The following TVP23C variants were observed in gnomAD, a reference collection of about 807,000 sequenced individuals.
TVP23C encodes the protein trans-golgi network vesicle protein 23 homolog C.
A neutral mutation model predicts 28.7 loss-of-function variants in TVP23C; 19 were observed. That is an observed-to-expected ratio of 0.66 (90% CI 0.46 to 0.97). TVP23C has a LOEUF of 0.97. Among genes scored for constraint, TVP23C ranks in the 50% least tolerant of loss-of-function variants. The pLI is 0.00. For missense variants in TVP23C, 186 were observed against 241.3 expected, an observed-to-expected ratio of 0.77 and a Z score of 1.52; for synonymous variants, 68 against 81.7, an observed-to-expected ratio of 0.83 and a Z score of 0.90.
At chr17:15,527,124 C>T (rs150111928) in intron 5 of TVP23C, among the ~76,000 whole-genome samples, 3,199 of 152,182 alleles carry the variant, frequency 0.021, 117 homozygotes, top group African/African-American at 0.071. Flanking sequence ...CCAGTTTTAG[C>T]CTGCCTGATA....
At chr17:15,505,739 G>A (rs567515145) in intron 5 of TVP23C, among the ~76,000 whole-genome samples, 1 of 152,332 alleles carries the variant, frequency 6.6e-6, no homozygotes, top group East Asian at 1.9e-4. Flanking sequence ...GGGCGCTTGC[G>A]GGCCAGCTGG....
At chr17:15,549,293 T>G (rs1983784580) in intron 3 of TVP23C, among the ~76,000 whole-genome samples, 1 of 152,084 alleles carries the variant, frequency 6.6e-6, no homozygotes, top group African/African-American at 2.4e-5. Flanking sequence ...TAATTGGATA[T>G]GGAGTAGGAA....
rs1984488130 is a variant in TVP23C, at chr17:15,563,316, G to A, written c.12+121C>T. 4 of 1,496,962 alleles carry A rather than the reference G, an allele frequency of 2.7e-6. No homozygotes were observed. The South Asian group carries it at 5.1e-5, about 19-fold the overall frequency. 92.7% of individuals were successfully genotyped at this position (1,496,962 alleles called of 1,614,324 possible). On this transcript the variant is annotated intron_variant, in intron 1 of 5. Coordinates refer to ENST00000518321, the MANE Select transcript of TVP23C (RefSeq NM_001135036.2). ...AACTACCCACAGCCCTCCACTCCCG[G>A]CCGCCCCGCTCCTCCTCGAGTTCGA...
At chr17:15,513,381 A>G (rs910273672) in intron 5 of TVP23C, among the ~76,000 whole-genome samples, 1 of 152,222 alleles carries the variant, frequency 6.6e-6, no homozygotes, top group African/African-American at 2.4e-5. Flanking sequence ...TGTGAAAACA[A>G]TTGAGTATTT....
intron 3 of TVP23C, among the ~76,000 whole-genome samples, 163 bp downstream of exon 3, chr17:15,553,522 G>GAA (rs565524290): frequency 3.4e-5 from 4 of 118,994 alleles, no homozygotes; most frequent in Non-Finnish European, 3.4e-5. Flanking sequence ...GGGAAAAAAT[G>GAA]AAAAAAAAAA....
At position 15,563,370 on chromosome 17, in the gene TVP23C, G is replaced by C. The variant is rs1284983864; in HGVS notation, c.12+67C>G. On this transcript the variant is annotated intron_variant, in intron 1 of 5. Coordinates refer to ENST00000518321, the MANE Select transcript of TVP23C (RefSeq NM_001135036.2). ...GCGGGCGCGGGGGACGCGGGCTCCA[G>C]TCCCACGGAACCTGCAGAGCCAGTC... 8 of 1,548,678 alleles carry C rather than the reference G, an allele frequency of 5.2e-6. No individual in the cohort carries two copies. In the East Asian group the frequency reaches 1.9e-4, roughly 37 times the overall value.
chr17:15,554,209 C>G (rs1453820681), intron 2 of TVP23C, among the ~76,000 whole-genome samples: 1 of 150,398 alleles, frequency 6.6e-6, no homozygotes, highest in Non-Finnish European at 1.5e-5. Flanking sequence ...GACATTAAGA[C>G]AAAGTTATCA....
chr17:15,502,805 CT>C, exon 6 of TVP23C: 1 of 1,455,820 alleles, frequency 6.9e-7, no homozygotes, highest in South Asian at 1.4e-5. Flanking sequence ...TCTCTCCTCT[CT>C]CTCCTCTCTC....
rs7216353 is a variant in TVP23C at position 15,551,642 on chromosome 17, C to T, written c.240+2043G>A. 5.5e-3 allele frequency among the ~76,000 whole-genome samples: 829 copies of T among 150,348 alleles called. 11 individuals are homozygous for T. Among genetic ancestry groups the T allele is most frequent in the African/African-American group, 0.018 (715 of 40,520 alleles). On this transcript the variant is annotated intron_variant, in intron 3 of 5. Transcript: ENST00000518321. ...CTTTGAATGCGGCCCAAGAGAAATT[C>T]GTAAACTTTCTTAAAACATTATGAG...
chr17:15,539,141 A>C lies in TVP23C; in HGVS notation c.*1271T>G, dbSNP rs1249655373. On this transcript the variant is annotated 3_prime_UTR_variant, in exon 6 of 6. Coordinates refer to ENST00000518321, the MANE Select transcript of TVP23C (RefSeq NM_001135036.2). Reference sequence around the variant, plus strand: ...ACCCAGAAACTTGGGAGAAATGCAAATTATGAGACTCCACCCCCAGATCTA... The same window carrying C: ...ACCCAGAAACTTGGGAGAAATGCAACTTATGAGACTCCACCCCCAGATCTA... The C allele has an allele frequency of 1.8e-5, 17 of 953,452 alleles. No individual in the cohort carries two copies. Among genetic ancestry groups the C allele is most frequent in the Non-Finnish European group, 2.1e-5 (17 of 801,032 alleles). 59.1% of individuals were successfully genotyped at this position (953,452 alleles called of 1,614,324 possible). A position where few individuals can be genotyped will look rare whatever the true frequency, so the allele number is the denominator to read the frequency against.
chr17:15,519,481 TACACACAC>T (rs3031137), intron 5 of TVP23C, among the ~76,000 whole-genome samples: 11 of 142,934 alleles, frequency 7.7e-5, no homozygotes, highest in African/African-American at 2.3e-4. Flanking sequence ...CAAATAAATA[TACACACAC>T]ACACACACAC....
At chr17:15,521,365 G>A (rs935186750) in intron 5 of TVP23C, among the ~76,000 whole-genome samples, 2 of 152,100 alleles carry the variant, frequency 1.3e-5, no homozygotes, top group African/African-American at 2.4e-5. Flanking sequence ...TTGGCCAGGC[G>A]TGGTGGTGGG....
intron 5 of TVP23C, among the ~76,000 whole-genome samples, chr17:15,542,333 C>T (rs2954740): frequency 1.7e-4 from 26 of 152,050 alleles, no homozygotes; most frequent in Admixed American, 5.2e-4. Flanking sequence ...AGGCAGGAGA[C>T]GAAGCGCAGA....
Position 15,538,597 on chromosome 17 carries a change from AAT to A in TVP23C, c.*1813_*1814del. On this transcript the variant is annotated 3_prime_UTR_variant, in exon 6 of 6. Transcript: ENST00000518321. ...CAGAGTGAGACTCTGTCTCAAAAAA[AAT>A]AAATAAATAAAAAAGTAGACATGCG... 1.0e-6 allele frequency: 1 copy of A among 983,662 alleles called. No homozygotes were observed. The highest frequency in any genetic ancestry group is 1.7e-5 in the African/African-American group (1 of 57,256). 60.9% of individuals were successfully genotyped at this position (983,662 alleles called of 1,614,324 possible). A position where few individuals can be genotyped will look rare whatever the true frequency, so the allele number is the denominator to read the frequency against.
chr17:15,555,439 A>G, intron 1 of TVP23C, 75 bp from the exon 2 acceptor site: 1 of 1,571,886 alleles, frequency 6.4e-7, no homozygotes, highest in Non-Finnish European at 8.7e-7. Flanking sequence ...GCAAAGCTGC[A>G]TACTCATCAA....
At chr17:15,507,617 T>C (rs1981815219) in intron 5 of TVP23C, among the ~76,000 whole-genome samples, 1 of 152,146 alleles carries the variant, frequency 6.6e-6, no homozygotes, top group African/African-American at 2.4e-5. Flanking sequence ...CGCAGGCGGA[T>C]CACGAGGTCA....
intron 5 of TVP23C, among the ~76,000 whole-genome samples, chr17:15,507,695 C>T (rs186485169): frequency 3.9e-4 from 59 of 152,156 alleles, no homozygotes; most frequent in African/African-American, 1.1e-3. Context: ...AAAAATTAGC[C>T]GGGTCTGGTG....
Position 15,538,746 on chromosome 17 carries a change from A to C in TVP23C, c.*1666T>G. On this transcript the variant is annotated 3_prime_UTR_variant, in exon 6 of 6. Transcript: ENST00000518321. ...CCATGTTATGCCAGGTTTAAGGTTTAATTTCACCTGTATTCCATGTTCCTC... is the reference window on the plus strand; with the variant it reads ...CCATGTTATGCCAGGTTTAAGGTTTCATTTCACCTGTATTCCATGTTCCTC... 1.0e-6 allele frequency: 1 copy of C among 985,406 alleles called. No homozygotes were observed. Among genetic ancestry groups the C allele is most frequent in the Non-Finnish European group, 1.2e-6 (1 of 829,930 alleles). The allele number at this position is 985,406 out of a possible 1,614,324, so 61.0% of individuals were successfully genotyped here. A position where few individuals can be genotyped will look rare whatever the true frequency, so the allele number is the denominator to read the frequency against.
chr17:15,561,602 A>AAATAAATGAATG (rs1984391442), intron 1 of TVP23C, among the ~76,000 whole-genome samples: 3 of 127,270 alleles, frequency 2.4e-5, no homozygotes, highest in African/African-American at 8.0e-5. Context: ...TCCGTCTCAT[A>AAATAAATGAATG]AATGAATGAA....
Sources: allele counts gnomAD v4.1 joint callset (sites outside exome capture counted in the v4.1 genomes callset), GRCh38; gene constraint gnomAD v4.1.1; transcripts MANE v1.5; gene names NCBI Gene and HGNC (gene_info 2026-07-23, HGNC 2026-07-21).